Variants in PCDH15 observed in about 807,000 individuals in gnomAD.
PCDH15 encodes the protein protocadherin-15.
A neutral mutation model predicts 178.5 loss-of-function variants in PCDH15; 129 were observed. That is an observed-to-expected ratio of 0.72 (90% CI 0.63 to 0.84). PCDH15 has a LOEUF of 0.84. Among genes scored for constraint, PCDH15 ranks in the 40% least tolerant of loss-of-function variants. The pLI, the probability that PCDH15 is intolerant of heterozygous loss-of-function variation, is 0.00. For missense variants in PCDH15, 2,230 were observed against 2,099.9 expected (o/e 1.06, Z -1.21); for synonymous variants, 800 against 732.0 (o/e 1.09, Z -1.50).
intron 18 of PCDH15, among the ~76,000 whole-genome samples, chr10:54,050,443 T>G (rs1023636949): frequency 1.3e-5 from 2 of 152,088 alleles, no homozygotes; most frequent in Admixed American, 1.3e-4. Flanking sequence ...TTAATTGGAT[T>G]TCCTCTCTTT....
At chr10:54,778,966 C>A (rs1949988231) in intron 1 of PCDH15, among the ~76,000 whole-genome samples, 1 of 152,016 alleles carries the variant, frequency 6.6e-6, no homozygotes, top group African/African-American at 2.4e-5. Context: ...CTGTTCCAGC[C>A]TATCTATTGC....
chr10:54,070,721 G>A (rs1435794368), intron 17 of PCDH15, among the ~76,000 whole-genome samples: 4 of 151,834 alleles, frequency 2.6e-5, no homozygotes, highest in African/African-American at 9.7e-5. Context: ...TCCTAAGTAG[G>A]TGGGACTACA....
chr10:54,141,875 C>T (rs1342812916), intron 14 of PCDH15, among the ~76,000 whole-genome samples: 6 of 152,096 alleles, frequency 3.9e-5, no homozygotes, highest in Non-Finnish European at 7.4e-5. Flanking sequence ...TGTGATGATG[C>T]TCTTTTAAGT....
intron 5 of PCDH15, 143 bp downstream of exon 5, chr10:54,368,977 G>A (rs1385935203): frequency 3.5e-6 from 3 of 864,218 alleles, no homozygotes; most frequent in African/African-American, 3.4e-5. Flanking sequence ...TACTTCTTCT[G>A]AGTACTATTT....
chr10:54,000,935 G>A (rs933860118), intron 20 of PCDH15, among the ~76,000 whole-genome samples: 9 of 152,072 alleles, frequency 5.9e-5, no homozygotes, highest in Non-Finnish European at 1.3e-4. Context: ...GGATCCTAAA[G>A]GAGTAAGAGA....
chr10:55,312,659 C>T (rs1196408930), intron 1 of PCDH15, among the ~76,000 whole-genome samples: 1 of 151,802 alleles, frequency 6.6e-6, no homozygotes, highest in East Asian at 1.9e-4. Context: ...CTCTTGTTGC[C>T]CAGGCTGGAG....
chr10:54,041,070 C>T (rs1302545697), intron 18 of PCDH15, among the ~76,000 whole-genome samples: 1 of 151,968 alleles, frequency 6.6e-6, no homozygotes, highest in Non-Finnish European at 1.5e-5. Flanking sequence ...GCTTAACACA[C>T]TAAATTAAGA....
intron 2 of PCDH15, among the ~76,000 whole-genome samples, chr10:55,147,593 T>TAC (rs1245363269): frequency 6.6e-6 from 1 of 151,484 alleles, no homozygotes; most frequent in Non-Finnish European, 1.5e-5. Context: ...TCTTTCCTCC[T>TAC]TATGTCTCTC....
chr10:54,520,301 T>C (rs1243468505), intron 3 of PCDH15, among the ~76,000 whole-genome samples: 3 of 152,178 alleles, frequency 2.0e-5, no homozygotes, highest in East Asian at 1.9e-4. Flanking sequence ...AGAAAATTTT[T>C]GCAACCTACT....
intron 2 of PCDH15, among the ~76,000 whole-genome samples, chr10:55,550,388 T>A (rs984344929): frequency 1.3e-5 from 2 of 152,098 alleles, no homozygotes; most frequent in African/African-American, 4.8e-5. Flanking sequence ...CTAGGGACAA[T>A]AAGAGATTTG....
chr10:54,719,832 C>G (rs1941272378), intron 1 of PCDH15, among the ~76,000 whole-genome samples: 1 of 151,628 alleles, frequency 6.6e-6, no homozygotes, highest in African/African-American at 2.4e-5. Flanking sequence ...CCAGCATCAT[C>G]CATGTTCCTC....
intron 1 of PCDH15, among the ~76,000 whole-genome samples, chr10:54,741,496 G>A (rs1156239023): frequency 6.6e-6 from 1 of 151,756 alleles, no homozygotes; most frequent in Non-Finnish European, 1.5e-5. Flanking sequence ...AGAATGGGGT[G>A]GTAGATTCCT....
intron 3 of PCDH15, among the ~76,000 whole-genome samples, chr10:54,379,932 G>T (rs1948978291): frequency 6.6e-6 from 1 of 151,972 alleles, no homozygotes; most frequent in Non-Finnish European, 1.5e-5. Context: ...AATATACAGA[G>T]AATCCATAAA....
intron 1 of PCDH15, among the ~76,000 whole-genome samples, chr10:54,703,673 G>A (rs1019208532): frequency 8.6e-5 from 13 of 151,846 alleles, no homozygotes; most frequent in African/African-American, 3.1e-4. Context: ...GTTAACCAGG[G>A]AGGCAAAAGG....
intron 9 of PCDH15, among the ~76,000 whole-genome samples, chr10:54,234,369 A>T (rs2054404140): frequency 1.3e-5 from 2 of 152,146 alleles, no homozygotes; most frequent in South Asian, 2.1e-4. Context: ...TTGTACAAAG[A>T]TCTATTTTTG....
rs1278351782 is a variant in PCDH15 at position 55,616,374 on chromosome 10, G to T, written c.-156+11251C>A. On this transcript the variant is annotated intron_variant, in intron 2 of 5. Transcript: ENST00000613346. ...AATGTTCATAGCAAATTCATAAATG[G>T]AAAAAGTAGTCTGTTTTATTTAAAT... Among the ~76,000 whole-genome samples, 8 of 151,996 alleles carry T rather than the reference G, an allele frequency of 5.3e-5. 1 individual carries two copies. Among genetic ancestry groups the T allele is most frequent in the Admixed American group, 2.0e-4 (3 of 15,256 alleles).
chr10:53,886,189 G>A (rs181319591), intron 26 of PCDH15, among the ~76,000 whole-genome samples: 174 of 152,252 alleles, frequency 1.1e-3, no homozygotes, highest in African/African-American at 4.1e-3. Context: ...AGAGAGGAAC[G>A]AACCGTGCTC....
chr10:55,403,909 TAGA>T (rs1170506562), intron 2 of PCDH15, among the ~76,000 whole-genome samples: 1 of 151,994 alleles, frequency 6.6e-6, no homozygotes, highest in African/African-American at 2.4e-5. Context: ...AAACCCCAGA[TAGA>T]AGAAGTTAAT....
At chr10:55,599,942 G>A (rs770988216) in intron 2 of PCDH15, 2 of 1,520,724 alleles carry the variant, frequency 1.3e-6, no homozygotes, top group Non-Finnish European at 1.8e-6. Context: ...TTCAACCAGT[G>A]AAATTGACCT....
Sources: gnomAD v4.1 joint callset for allele counts (sites outside exome capture counted in the v4.1 genomes callset) on GRCh38, gnomAD v4.1.1 for gene constraint, MANE v1.5 for transcripts, NCBI Gene and HGNC (gene_info 2026-07-23, HGNC 2026-07-21) for gene names.